The following CPAP variants were observed in gnomAD, a reference collection of about 807,000 sequenced individuals.
CPAP encodes the protein centrosomal P4.1-associated protein.
At chr13:24,931,306 C>CTTTTTTTTTTTTTTTTTTTTTTTT in the CPAP span, among the ~76,000 whole-genome samples, 112 of 72,626 alleles carry the variant, frequency 1.5e-3, 7 homozygotes, top group East Asian at 2.9e-3. Flanking sequence ...TTTCATGTTT[C>CTTTTTTTTTTTTTTTTTTTTTTTT]TTTTTTTTTT....
At chr13:24,886,904 AC>A in the CPAP span, among the ~76,000 whole-genome samples, 15 of 152,174 alleles carry the variant, frequency 9.9e-5, no homozygotes, top group Non-Finnish European at 2.1e-4. Context: ...ACTAACATTA[AC>A]TTGAACCCCC....
chr13:24,915,445 G>A, the CPAP span, among the ~76,000 whole-genome samples: 1 of 152,216 alleles, frequency 6.6e-6, no homozygotes, highest in South Asian at 2.1e-4. Flanking sequence ...GACATCCTCA[G>A]CATAAAGATG....
chr13:24,900,606 C>T, the CPAP span, among the ~76,000 whole-genome samples: 1 of 152,128 alleles, frequency 6.6e-6, no homozygotes, highest in South Asian at 2.1e-4. Flanking sequence ...CGCACCATTG[C>T]ACACCAGCCT....
chr13:24,902,435 T>C, the CPAP span, among the ~76,000 whole-genome samples: 1 of 152,202 alleles, frequency 6.6e-6, no homozygotes, highest in Non-Finnish European at 1.5e-5. Context: ...ATTTACAGTA[T>C]GTATCAGCTG....
At chr13:24,905,581 A>AT in the CPAP span, 13 of 1,614,224 alleles carry the variant, frequency 8.1e-6, no homozygotes, top group Non-Finnish European at 1.1e-5. Flanking sequence ...GCGGCGTCCC[A>AT]TAAGTGGATT....
the CPAP span, chr13:24,885,652 G>A: frequency 6.2e-7 from 1 of 1,612,746 alleles, no homozygotes; most frequent in Non-Finnish European, 8.5e-7. Context: ...TGCAGACTTG[G>A]ATCTTCGAGG....
chr13:24,920,285 C>T, the CPAP span, among the ~76,000 whole-genome samples: 1 of 152,184 alleles, frequency 6.6e-6, no homozygotes, highest in Non-Finnish European at 1.5e-5. Context: ...TGTACAAATG[C>T]TATCAACTGC....
the CPAP span, among the ~76,000 whole-genome samples, chr13:24,918,108 A>C: frequency 6.6e-6 from 1 of 152,244 alleles, no homozygotes; most frequent in Non-Finnish European, 1.5e-5. Flanking sequence ...TCTAGTTTGA[A>C]AAAGATGTAT....
At chr13:24,884,343 C>A in the CPAP span, 2 of 1,614,172 alleles carry the variant, frequency 1.2e-6, no homozygotes, top group Non-Finnish European at 1.7e-6. Flanking sequence ...TCTGGCATGA[C>A]CTGCTTCACG....
At chr13:24,912,565 G>T in the CPAP span, 2 of 1,600,120 alleles carry the variant, frequency 1.2e-6, no homozygotes, top group African/African-American at 2.7e-5. Flanking sequence ...TTCACAGTAG[G>T]CCAAATCCTA....
the CPAP span, among the ~76,000 whole-genome samples, chr13:24,919,625 G>A: frequency 2.6e-5 from 4 of 152,150 alleles, no homozygotes; most frequent in Non-Finnish European, 5.9e-5. Flanking sequence ...CCCCTGTGTT[G>A]CCCATGCTGG....
the CPAP span, among the ~76,000 whole-genome samples, chr13:24,897,265 T>C: frequency 0.34 from 50,954 of 152,050 alleles, 9,173 homozygotes; most frequent in Admixed American, 0.42. Context: ...GAACTAAAAT[T>C]TGGCATGATG....
the CPAP span, among the ~76,000 whole-genome samples, chr13:24,923,611 C>G: frequency 7.2e-5 from 11 of 152,110 alleles, no homozygotes; most frequent in African/African-American, 2.7e-4. Flanking sequence ...TACCTGGCTT[C>G]CATGTCTGAT....
the CPAP span, chr13:24,910,064 A>T: frequency 6.2e-7 from 1 of 1,612,974 alleles, no homozygotes; most frequent in East Asian, 2.2e-5. Context: ...TCTGGCTCTG[A>T]TCATCAGGCA....
At chr13:24,883,641 T>A in the CPAP span, among the ~76,000 whole-genome samples, 3 of 152,214 alleles carry the variant, frequency 2.0e-5, no homozygotes, top group Non-Finnish European at 4.4e-5. Context: ...GTTGTTATAT[T>A]AAAAGGGACC....
the CPAP span, chr13:24,910,140 T>C: frequency 6.5e-7 from 1 of 1,542,948 alleles, no homozygotes; most frequent in Non-Finnish European, 8.9e-7. Context: ...ATTTTCTCTT[T>C]TATCCCCAGT....
chr13:24,904,025 TTC>T, the CPAP span: 16 of 1,614,076 alleles, frequency 9.9e-6, no homozygotes, highest in East Asian at 4.5e-5. Context: ...TTCAATAATT[TTC>T]TCTCTCAAAA....
At chr13:24,892,508 C>G in the CPAP span, 1 of 721,032 alleles carries the variant, frequency 1.4e-6, no homozygotes, top group Non-Finnish European at 2.5e-6. Context: ...TGGAAACTGT[C>G]CACATTCACA....
the CPAP span, among the ~76,000 whole-genome samples, chr13:24,894,881 G>A: frequency 4.0e-4 from 61 of 152,274 alleles, no homozygotes; most frequent in Non-Finnish European, 6.6e-4. Context: ...GGGGACTGGT[G>A]AGGGTCCAGA....
Sources: allele counts gnomAD v4.1 joint callset (sites outside exome capture counted in the v4.1 genomes callset), GRCh38; gene constraint gnomAD v4.1.1; transcripts MANE v1.5; gene names NCBI Gene and HGNC (gene_info 2026-07-23, HGNC 2026-07-21).